VWDE: variants seen among roughly 807,000 people sequenced by gnomAD.
The protein encoded by VWDE is von Willebrand factor D and EGF domain-containing protein.
In VWDE, 207 loss-of-function variants were observed where a neutral mutation model predicts 178.4. The ratio of observed to expected loss-of-function variants is 1.16; its 90% CI spans 1.04 to 1.30. The LOEUF (loss-of-function observed/expected upper bound fraction) is 1.30, where lower values mean the gene tolerates loss of function less well. Among genes scored for constraint, VWDE ranks in the 50% most tolerant of loss-of-function variants. VWDE has a pLI of 0.00. For missense variants in VWDE, 2,287 were observed against 1,901.3 expected, an observed-to-expected ratio of 1.20 and a Z score of -3.77; for synonymous variants, 738 against 651.4, an observed-to-expected ratio of 1.13 and a Z score of -2.02.
chr7:12,344,846 G>C (rs756453257), intron 19 of VWDE, among the ~76,000 whole-genome samples: 2 of 152,102 alleles, frequency 1.3e-5, no homozygotes, highest in East Asian at 1.9e-4. Flanking sequence ...AGATTACAGA[G>C]AAACCTAGTT....
intron 16 of VWDE, among the ~76,000 whole-genome samples, chr7:12,358,258 C>T (rs751778779): frequency 3.3e-5 from 5 of 151,848 alleles, no homozygotes; most frequent in Non-Finnish European, 7.4e-5. Flanking sequence ...CCTGTAATTC[C>T]AGCTACTTGG....
At chr7:12,347,480 G>T (rs988412042) in intron 19 of VWDE, among the ~76,000 whole-genome samples, 4 of 152,032 alleles carry the variant, frequency 2.6e-5, no homozygotes, top group Admixed American at 6.6e-5. Context: ...TGGCCTTACA[G>T]ATACTAAAAT....
chr7:12,393,965 T>A (rs973592817), intron 1 of VWDE, among the ~76,000 whole-genome samples, 187 bp from the exon 2 acceptor site: 1 of 152,206 alleles, frequency 6.6e-6, no homozygotes, highest in African/African-American at 2.4e-5. Context: ...GCATGTTTCA[T>A]AAATGCGATA....
At chr7:12,361,595 G>A in intron 13 of VWDE, 74 bp from the exon 14 acceptor site, 1 of 1,355,072 alleles carries the variant, frequency 7.4e-7, no homozygotes. Context: ...TACATATAAT[G>A]AAAACATAAA....
intron 19 of VWDE, 139 bp downstream of exon 19, chr7:12,351,434 T>C (rs1205251632): frequency 1.1e-6 from 1 of 898,810 alleles, no homozygotes; most frequent in Non-Finnish European, 1.6e-6. Flanking sequence ...AGAGAAAGGA[T>C]AAATTTTAAA....
intron 4 of VWDE, 71 bp from the exon 5 acceptor site, chr7:12,380,804 CAA>C (rs1429605431): frequency 1.1e-5 from 16 of 1,500,376 alleles, no homozygotes; most frequent in Non-Finnish European, 1.3e-5. Flanking sequence ...AAAAAGCACT[CAA>C]AGACTATAAC....
chr7:12,349,127 G>C (rs1781781647), intron 19 of VWDE, among the ~76,000 whole-genome samples: 1 of 152,060 alleles, frequency 6.6e-6, no homozygotes, highest in Admixed American at 6.6e-5. Context: ...CTTAATGCTA[G>C]ATGACGAGTT....
chr7:12,394,725 T>A (rs957502650), intron 1 of VWDE, among the ~76,000 whole-genome samples: 1 of 152,162 alleles, frequency 6.6e-6, no homozygotes, highest in Non-Finnish European at 1.5e-5. Context: ...TTATATTATA[T>A]TTATTGATGG....
At chr7:12,402,909 CAG>C (rs912873150) in intron 1 of VWDE, among the ~76,000 whole-genome samples, 10 of 151,964 alleles carry the variant, frequency 6.6e-5, no homozygotes, top group African/African-American at 2.4e-4. Flanking sequence ...GAACACAGAT[CAG>C]ACTTTTTCTG....
intron 3 of VWDE, chr7:12,388,724 G>A: frequency 6.7e-6 from 2 of 298,424 alleles, no homozygotes; most frequent in South Asian, 6.4e-5. Flanking sequence ...ATAATTTCTG[G>A]CACAGGATAA....
At chr7:12,366,790 TGTGAATA>T (rs1165045745) in intron 13 of VWDE, among the ~76,000 whole-genome samples, 5 of 152,046 alleles carry the variant, frequency 3.3e-5, no homozygotes, top group Non-Finnish European at 7.4e-5. Flanking sequence ...AAAATTTCCA[TGTGAATA>T]AAGACAAGGA....
intron 3 of VWDE, among the ~76,000 whole-genome samples, chr7:12,388,455 A>C (rs1322170287): frequency 6.6e-6 from 1 of 152,140 alleles, no homozygotes; most frequent in African/African-American, 2.4e-5. Flanking sequence ...AACCAAAATG[A>C]GGGAAGTTAT....
chr7:12,387,365 A>C (rs931669255), intron 3 of VWDE, among the ~76,000 whole-genome samples: 1 of 152,074 alleles, frequency 6.6e-6, no homozygotes, highest in Non-Finnish European at 1.5e-5. Context: ...CTCAGCAAAA[A>C]ATTAACCATA....
In VWDE at chr7:12,365,325, A is replaced by G. The variant is rs529159356; in HGVS notation, c.2898+2032T>C. ...TATTTTATGAATATGGTTTATAAATAAGATATTAACTTTATGAGAAACTGG... is the reference window on the plus strand; with the variant it reads ...TATTTTATGAATATGGTTTATAAATGAGATATTAACTTTATGAGAAACTGG... On this transcript the variant is annotated intron_variant, in intron 13 of 28. Coordinates refer to ENST00000275358, the MANE Select transcript of VWDE (RefSeq NM_001135924.3). Among the ~76,000 whole-genome samples, 7 of 152,250 alleles carry G rather than the reference A, an allele frequency of 4.6e-5. No homozygotes were observed. In the South Asian group the frequency reaches 1.4e-3, roughly 32 times the overall value.
Position 12,377,779 on chromosome 7 carries a change from G to A in VWDE, c.1021C>T (p.Gln341Ter). The A allele has an allele frequency of 6.8e-7, 1 of 1,481,430 alleles. No homozygotes were observed. The allele number at this position is 1,481,430 out of a possible 1,614,324, so 91.8% of individuals were successfully genotyped here. A position where few individuals can be genotyped will look rare whatever the true frequency, so the allele number is the denominator to read the frequency against. Residue 341 changes from glutamine (Q) to a stop codon, truncating the protein, a stop_gained, in exon 7 of 29, where the codon CAA (glutamine) becomes TAA (stop). Coordinates refer to ENST00000275358, the MANE Select transcript of VWDE (RefSeq NM_001135924.3). LOFTEE classifies it high-confidence loss of function. ...KISLKLKTIGQGREHLGLNLA... is the reference protein window; with the variant it reads ...KISLKLKTIG ...TAAAATAAAGTTAGTATATTACCTT[G>A]ACCAATAGTTTTCAGTTTTAATGAG...
intron 1 of VWDE, among the ~76,000 whole-genome samples, chr7:12,396,868 G>T (rs893861734): frequency 6.6e-6 from 1 of 152,128 alleles, no homozygotes; most frequent in African/African-American, 2.4e-5. Flanking sequence ...CCAGGAGATG[G>T]AAGTTGCAGT....
At chr7:12,354,661 T>A (rs112091916) in intron 18 of VWDE, among the ~76,000 whole-genome samples, 8 of 152,316 alleles carry the variant, frequency 5.3e-5, no homozygotes, top group African/African-American at 1.9e-4. Flanking sequence ...TATAATCAAA[T>A]ATAAAGTCAC....
intron 1 of VWDE, among the ~76,000 whole-genome samples, chr7:12,403,289 C>G (rs1406988095): frequency 6.7e-6 from 1 of 150,164 alleles, no homozygotes; most frequent in Non-Finnish European, 1.5e-5. Flanking sequence ...CAACTCTGTT[C>G]TGAGAATTCA....
rs886373438 is a variant in VWDE at position 12,369,694 on chromosome 7, T to C, written c.2612A>G (p.Lys871Arg). The C allele has an allele frequency of 6.4e-7, 1 of 1,551,732 alleles. No homozygotes were observed. Among genetic ancestry groups the C allele is most frequent in the Non-Finnish European group, 8.7e-7 (1 of 1,146,916 alleles). Reference protein sequence around the residue: ...ECEKRIVEEGKYNTEEYGTSI... With the variant: ...ECEKRIVEEGRYNTEEYGTSI... The stretch of plus-strand genomic sequence containing the variant: ...TGTGCCATACTCTTCTGTGTTATAT[T>C]TCCCCTCCTCCACAATCCTCTTTTC... Residue 871 changes from lysine (K) to arginine (R), a missense_variant, in exon 12 of 29, where the codon AAA becomes AGA. By Grantham distance (26) the Lys-to-Arg change is conservative. Coordinates refer to ENST00000275358, the MANE Select transcript of VWDE (RefSeq NM_001135924.3).
Sources: allele counts gnomAD v4.1 joint callset (sites outside exome capture counted in the v4.1 genomes callset), GRCh38; gene constraint gnomAD v4.1.1; transcripts MANE v1.5; gene names NCBI Gene and HGNC (gene_info 2026-07-23, HGNC 2026-07-21).